ZNF510: variants seen among roughly 807,000 people sequenced by gnomAD.
The protein encoded by ZNF510 is zinc finger protein 510.
ZNF510 carries 15 observed loss-of-function variants against 18.1 expected under a neutral mutation model. The observed-to-expected ratio is 0.83, with a 90% CI of 0.55 to 1.28. The LOEUF (loss-of-function observed/expected upper bound fraction) is 1.28, where lower values mean the gene tolerates loss of function less well. ZNF510 is among the 50% of genes most tolerant of loss of function. The pLI is 0.00. For missense variants in ZNF510, 724 were observed against 791.8 expected (o/e 0.91, Z 1.03); for synonymous variants, 261 against 266.4 (o/e 0.98, Z 0.20).
At position 96,776,029 on chromosome 9, in the gene ZNF510, A is replaced by G. The variant is rs745420848; in HGVS notation, c.41T>C (p.Leu14Pro). The G allele has an allele frequency of 6.2e-6, 10 of 1,609,274 alleles. No homozygotes were observed. The East Asian group carries it at 2.0e-4, about 32-fold the overall frequency. The change falls in exon 2 of 6, where the codon CTG becomes CCG. Residue 14 changes from leucine (L) to proline (P), a missense_variant. Coordinates refer to ENST00000223428, the MANE Select transcript of ZNF510 (RefSeq NM_014930.3). ...HPEAITDCVT[L>P]NTVGQLAEGG... ...TTCTGCAAGTTGGCCCACAGTGTTC[A>G]GTGTCACACAATCTGTGATGGCTTC...
chr9:96,762,681 T>C (rs1372791382), intron 5 of ZNF510, among the ~76,000 whole-genome samples: 2 of 152,178 alleles, frequency 1.3e-5, no homozygotes, highest in Non-Finnish European at 2.9e-5. Flanking sequence ...TTTCACCTCA[T>C]ATCTCACTTC....
chr9:96,764,928 C>T (rs1849435748), intron 3 of ZNF510, among the ~76,000 whole-genome samples: 1 of 152,008 alleles, frequency 6.6e-6, no homozygotes, highest in South Asian at 2.1e-4. Flanking sequence ...GCCTGACCAA[C>T]GTGGTGAAAC....
At position 96,772,632 on chromosome 9, in the gene ZNF510, C is replaced by T. The variant is rs10978909; in HGVS notation, c.129+2156G>A. 0.021 allele frequency among the ~76,000 whole-genome samples: 3,119 copies of T among 151,952 alleles called. 179 individuals carry two copies. The East Asian group carries it at 0.24, about 11-fold the overall frequency. Reference sequence around the variant, plus strand: ...ATGTCCAAAACACAAACAATGGTGCCCAACATTAGTATTTACCATAGAAAA... The same window carrying T: ...ATGTCCAAAACACAAACAATGGTGCTCAACATTAGTATTTACCATAGAAAA... On this transcript the variant is annotated intron_variant, in intron 3 of 5. Coordinates refer to ENST00000223428, the MANE Select transcript of ZNF510 (RefSeq NM_014930.3).
rs1849227788 is a variant in ZNF510, at chr9:96,757,608, T to G, written c.*1170A>C. 1 of 152,198 alleles carries G rather than the reference T, an allele frequency of 6.6e-6. No homozygotes were observed. The highest frequency in any genetic ancestry group is 1.5e-5 in the Non-Finnish European group (1 of 68,028). The allele number at this position is 152,198 out of a possible 1,614,324, so 9.4% of individuals were successfully genotyped here. ...GTGAAAGCTCAACAGAATACAGTAG[T>G]CCCTGCTTAACTACAAGGAATGCTC... On this transcript the variant is annotated 3_prime_UTR_variant, in exon 6 of 6. Transcript: ENST00000223428.
Position 96,757,110 on chromosome 9 carries a change from T to C in ZNF510, c.*1668A>G, listed in dbSNP as rs1849213287. On this transcript the variant is annotated 3_prime_UTR_variant, in exon 6 of 6. Coordinates refer to ENST00000223428, the MANE Select transcript of ZNF510 (RefSeq NM_014930.3). Reference sequence around the variant, plus strand: ...AGGTGTCCTGTACCCCCACAGGAACTAGTAAGATGTTGCCTTGGGCATGGA... The same window carrying C: ...AGGTGTCCTGTACCCCCACAGGAACCAGTAAGATGTTGCCTTGGGCATGGA... 1 of 152,186 alleles carries C rather than the reference T, an allele frequency of 6.6e-6. No homozygotes were observed. The highest frequency in any genetic ancestry group is 6.5e-5 in the Admixed American group (1 of 15,278). 9.4% of individuals were successfully genotyped at this position (152,186 alleles called of 1,614,324 possible).
Position 96,776,260 on chromosome 9 carries a change from G to A in ZNF510, c.-176-15C>T. On this transcript the variant is annotated splice_polypyrimidine_tract_variant and intron_variant, in intron 1 of 5. Transcript: ENST00000223428. ...CTCCCTCCTTCCTGCAACATAAAGA[G>A]CTGCTTTGCTCCAGAGAAGCTGGGG... The A allele has an allele frequency of 8.8e-7, 1 of 1,139,194 alleles. No homozygotes were observed. The highest frequency in any genetic ancestry group is 1.2e-6 in the Non-Finnish European group (1 of 853,516). 70.6% of individuals were successfully genotyped at this position (1,139,194 alleles called of 1,614,324 possible). A position where few individuals can be genotyped will look rare whatever the true frequency, so the allele number is the denominator to read the frequency against.
chr9:96,776,268 G>C (rs1368596335), intron 1 of ZNF510, 23 bp from the exon 2 acceptor site: 5 of 1,067,342 alleles, frequency 4.7e-6, no homozygotes, highest in Non-Finnish European at 6.3e-6. Context: ...GAGCTGCTTT[G>C]CTCCAGAGAA....
rs955115594 is a variant in ZNF510, at chr9:96,756,823, CAG to C, written c.*1953_*1954del. 7 of 152,242 alleles carry C rather than the reference CAG, an allele frequency of 4.6e-5. No individual in the cohort carries two copies. Among genetic ancestry groups the C allele is most frequent in the African/African-American group, 1.4e-4 (6 of 41,452 alleles). The allele number at this position is 152,242 out of a possible 1,614,324, so 9.4% of individuals were successfully genotyped here. A position where few individuals can be genotyped will look rare whatever the true frequency, so the allele number is the denominator to read the frequency against. ...TTTCAACCCACAAAATCACCAGTCA[CAG>C]AGAGAGACTTGAAGCCCAAAATGAT... is the stretch of plus-strand genomic sequence containing the variant. On this transcript the variant is annotated 3_prime_UTR_variant, in exon 6 of 6. Coordinates refer to ENST00000223428, the MANE Select transcript of ZNF510 (RefSeq NM_014930.3).
rs1427503835 is a variant in ZNF510 at position 96,755,765 on chromosome 9, A to G, written c.*3013T>C. 1 of 152,212 alleles carries G rather than the reference A, an allele frequency of 6.6e-6. No homozygotes were observed. Among genetic ancestry groups the G allele is most frequent in the Non-Finnish European group, 1.5e-5 (1 of 68,036 alleles). The allele number at this position is 152,212 out of a possible 1,614,324, so 9.4% of individuals were successfully genotyped here. A position where few individuals can be genotyped will look rare whatever the true frequency, so the allele number is the denominator to read the frequency against. On this transcript the variant is annotated 3_prime_UTR_variant, in exon 6 of 6. Coordinates refer to ENST00000223428, the MANE Select transcript of ZNF510 (RefSeq NM_014930.3). ...TTAGTATATATTTAAAATCAGTGGGAAAAAGGTGAATTAATCAATGGCATA... is the reference window on the plus strand; with the variant it reads ...TTAGTATATATTTAAAATCAGTGGGGAAAAGGTGAATTAATCAATGGCATA...
chr9:96,774,161 T>C (rs1474608731), intron 3 of ZNF510, among the ~76,000 whole-genome samples: 3 of 152,242 alleles, frequency 2.0e-5, no homozygotes, highest in Admixed American at 1.3e-4. Flanking sequence ...TCTCCTGTAC[T>C]GCAACAATGA....
rs2117934210 is a variant in ZNF510, at chr9:96,760,238, T to C, written c.592A>G (p.Thr198Ala). 6.2e-7 allele frequency: 1 copy of C among 1,612,802 alleles called. No individual in the cohort carries two copies. ...ACATTACCGCAACCTATTTTCTTTG[T>C]TGAATAGTTTCTATTATTAATGATA... ...EFIINNRNYS[T>A]KKIGCGNVCE... Residue 198 changes from threonine to alanine, a missense_variant, in exon 6 of 6, where the codon ACA (threonine) becomes GCA (alanine). Transcript: ENST00000223428.
In ZNF510 at chr9:96,759,185, A is replaced by T. The variant is rs1265203662; in HGVS notation, c.1645T>A (p.Cys549Ser). The T allele has an allele frequency of 1.7e-5, 27 of 1,613,866 alleles. No homozygotes were observed. The highest frequency in any genetic ancestry group is 5.0e-5 in the Admixed American group (3 of 59,988). ...TCTTTTCGCCAGAAGGATTTTTCAC[A>T]TTCATTACACTGGTAAGTTTTCTCC... ...TGEKTYQCNE[C>S]EKSFWRKDHL... The change falls in exon 6 of 6, where the codon TGT becomes AGT. Residue 549 changes from cysteine (C) to serine (S), a missense_variant. By Grantham distance (112) the Cys-to-Ser change is moderately radical. Coordinates refer to ENST00000223428, the MANE Select transcript of ZNF510 (RefSeq NM_014930.3).
chr9:96,759,295 CCT>C lies in ZNF510; in HGVS notation c.1533_1534del (p.Lys514IlefsTer33), dbSNP rs749326231. 29 of 1,613,950 alleles carry C rather than the reference CCT, an allele frequency of 1.8e-5. No homozygotes were observed. The highest frequency in any genetic ancestry group is 1.4e-4 in the South Asian group (13 of 91,082). ...TTGATTGCATTGAAAGGATTTCTCC[CCT>C]GTGTGAATTCTGTGATGATCTCTGA... On this transcript the variant is annotated frameshift_variant, in exon 6 of 6. Coordinates refer to ENST00000223428, the MANE Select transcript of ZNF510 (RefSeq NM_014930.3). LOFTEE classifies it low-confidence loss of function (END_TRUNC).
intron 3 of ZNF510, among the ~76,000 whole-genome samples, chr9:96,773,777 C>G (rs1343192515): frequency 6.6e-6 from 1 of 152,042 alleles, no homozygotes; most frequent in Non-Finnish European, 1.5e-5. Flanking sequence ...GGTTTCACCA[C>G]GTTGGCCAGG....
intron 3 of ZNF510, among the ~76,000 whole-genome samples, chr9:96,769,872 T>G (rs1247150849): frequency 2.6e-5 from 4 of 152,188 alleles, no homozygotes; most frequent in African/African-American, 9.6e-5. Flanking sequence ...TGATACCACT[T>G]CACACCCACT....
intron 3 of ZNF510, among the ~76,000 whole-genome samples, chr9:96,771,721 A>C (rs1184717138): frequency 6.6e-6 from 1 of 152,156 alleles, no homozygotes; most frequent in Non-Finnish European, 1.5e-5. Flanking sequence ...ATCCAAAAGA[A>C]TCCACAGATA....
chr9:96,766,772 G>C (rs58813407), intron 3 of ZNF510, among the ~76,000 whole-genome samples: 1,976 of 152,200 alleles, frequency 0.013, 52 homozygotes, highest in African/African-American at 0.044. Flanking sequence ...GAACATAGCT[G>C]GGAAAACAGA....
intron 1 of ZNF510, among the ~76,000 whole-genome samples, chr9:96,777,402 T>C (rs1366663030): frequency 6.6e-6 from 1 of 152,224 alleles, no homozygotes; most frequent in East Asian, 1.9e-4. Context: ...CTTTGTGAGC[T>C]TGGCTCTATC....
At chr9:96,770,642 G>C (rs1237417884) in intron 3 of ZNF510, among the ~76,000 whole-genome samples, 2 of 151,596 alleles carry the variant, frequency 1.3e-5, no homozygotes, top group Non-Finnish European at 2.9e-5. Context: ...TAGTCACAAA[G>C]ATCACATATT....
Sources: allele counts gnomAD v4.1 joint callset (sites outside exome capture counted in the v4.1 genomes callset), GRCh38; gene constraint gnomAD v4.1.1; transcripts MANE v1.5; gene names NCBI Gene and HGNC (gene_info 2026-07-23, HGNC 2026-07-21).